ASPHD2: variants seen among roughly 807,000 people sequenced by gnomAD.
ASPHD2 encodes aspartate beta-hydroxylase domain containing 2, also known as aspartate beta-hydroxylase domain-containing protein 2.
In ASPHD2, 12 loss-of-function variants were observed where a neutral mutation model predicts 34.6. That is an observed-to-expected ratio of 0.35 (90% CI 0.22 to 0.56). The LOEUF is 0.56. Among genes scored for constraint, ASPHD2 ranks in the 20% least tolerant of loss-of-function variants. The pLI is 0.87. For missense variants in ASPHD2, 375 were observed against 505.0 expected, an observed-to-expected ratio of 0.74 and a Z score of 2.47; for synonymous variants, 224 against 212.2, an observed-to-expected ratio of 1.06 and a Z score of -0.48.
intron 2 of ASPHD2, among the ~76,000 whole-genome samples, chr22:26,436,641 T>G (rs1316411063): frequency 6.6e-6 from 1 of 152,144 alleles, no homozygotes; most frequent in Non-Finnish European, 1.5e-5. Context: ...CCGTGGGCAA[T>G]GGGGAGTGAT....
rs1404050037 is a variant in ASPHD2, at chr22:26,443,559, T to G, written c.*353T>G. 3 of 168,438 alleles carry G rather than the reference T, an allele frequency of 1.8e-5. No individual in the cohort carries two copies. Among genetic ancestry groups the G allele is most frequent in the African/African-American group, 7.3e-5 (3 of 41,198 alleles). 10.4% of individuals were successfully genotyped at this position (168,438 alleles called of 1,614,324 possible). On this transcript the variant is annotated 3_prime_UTR_variant, in exon 4 of 4. Coordinates refer to ENST00000215906, the MANE Select transcript of ASPHD2 (RefSeq NM_020437.5). ...ACTTGTTTTTTTCAGTGCTCTGAAA[T>G]AGAGTAACTAAATGGTTATTTGTCT...
intron 2 of ASPHD2, 133 bp downstream of exon 2, chr22:26,434,634 A>G: frequency 1.0e-6 from 1 of 965,312 alleles, no homozygotes; most frequent in South Asian, 1.8e-5. Context: ...AAAACTGATG[A>G]ATTGCATGTA....
Position 26,433,767 on chromosome 22 carries a change from A to T in ASPHD2, c.152A>T (p.Gln51Leu), listed in dbSNP as rs767850479. The change falls in exon 2 of 4, where the codon CAG becomes CTG. Residue 51 changes from glutamine (Q) to leucine (L), a missense_variant. Coordinates refer to ENST00000215906, the MANE Select transcript of ASPHD2 (RefSeq NM_020437.5). The surrounding 1 kb of genome is among the most constrained non-coding windows in gnomAD (Gnocchi z 5.1). Reference sequence around the variant, plus strand: ...AGGGACTGCATCGCCACCGGCATCCAGTCCGTGCGGGACTGCGACACCACC... The same window carrying T: ...AGGGACTGCATCGCCACCGGCATCCTGTCCGTGCGGGACTGCGACACCACC... ...GLRDCIATGI[Q>L]SVRDCDTTAV... 6.2e-7 allele frequency: 1 copy of T among 1,613,894 alleles called. No individual in the cohort carries two copies.
Position 26,444,470 on chromosome 22 carries a change from G to T in ASPHD2, c.*1264G>T, listed in dbSNP as rs771726247. On this transcript the variant is annotated 3_prime_UTR_variant, in exon 4 of 4. Transcript: ENST00000215906. ...TGTGGATCTCTTCCCGAAGGAAAAG[G>T]TCCCAGGAGACCAGTTTGAGGCACT... 1 of 152,172 alleles carries T rather than the reference G, an allele frequency of 6.6e-6. No individual in the cohort carries two copies. Among genetic ancestry groups the T allele is most frequent in the Admixed American group, 6.5e-5 (1 of 15,284 alleles). 9.4% of individuals were successfully genotyped at this position (152,172 alleles called of 1,614,324 possible). A position where few individuals can be genotyped will look rare whatever the true frequency, so the allele number is the denominator to read the frequency against.
chr22:26,438,586 C>CATATATACACACATATATACAT (rs1555883319), intron 2 of ASPHD2, among the ~76,000 whole-genome samples: 9 of 127,040 alleles, frequency 7.1e-5, no homozygotes, highest in Non-Finnish European at 1.2e-4. Flanking sequence ...TATATACATA[C>CATATATACACACATATATACAT]ATATATATAC....
rs900341210 is a variant in ASPHD2 at position 26,443,169 on chromosome 22, G to T, written c.1073G>T (p.Arg358Leu). Residue 358 changes from arginine to leucine, a missense_variant, in exon 4 of 4, where the codon CGG becomes CTG. Arg to Leu is a moderately radical substitution (Grantham distance 102, BLOSUM62 -2). Coordinates refer to ENST00000215906, the MANE Select transcript of ASPHD2 (RefSeq NM_020437.5). ...CATCCAAACGTCGCAGCGGCCGAAC[G>T]GCAGGCTCTTGATTTCATCTTTGCT... Reference protein sequence around the residue: ...LWHPNVAAAERQALDFIFAPG... With the variant: ...LWHPNVAAAELQALDFIFAPG... 6.2e-7 allele frequency: 1 copy of T among 1,613,980 alleles called. No homozygotes were observed. Among genetic ancestry groups the T allele is most frequent in the African/African-American group, 1.3e-5 (1 of 74,882 alleles).
intron 2 of ASPHD2, among the ~76,000 whole-genome samples, chr22:26,434,809 T>C (rs1308816815): frequency 6.6e-6 from 1 of 152,244 alleles, no homozygotes; most frequent in East Asian, 1.9e-4. Context: ...AATTGAGTGC[T>C]TGAAACTTGT....
intron 2 of ASPHD2, among the ~76,000 whole-genome samples, chr22:26,441,080 T>A (rs1387383637): frequency 6.6e-6 from 1 of 152,228 alleles, no homozygotes; most frequent in Non-Finnish European, 1.5e-5. Flanking sequence ...GAACTCACAG[T>A]TCTGAGGCTG....
Position 26,433,645 on chromosome 22 carries a change from G to A in ASPHD2, c.30G>A (p.Arg10=), listed in dbSNP as rs949007442. 9.3e-6 allele frequency: 15 copies of A among 1,613,972 alleles called. No homozygotes were observed. The highest frequency in any genetic ancestry group is 4.0e-5 in the African/African-American group (3 of 74,904). Reference sequence around the variant, plus strand: ...TGTGGGCGCCCTTGGGACCCCCGAGGACTGATTGTCTGACCTTGCTTCACA... The same window carrying A: ...TGTGGGCGCCCTTGGGACCCCCGAGAACTGATTGTCTGACCTTGCTTCACA... The part of the protein sequence containing the change: MVWAPLGPP[R]TDCLTLLHTP... Residue 10 remains arginine, a synonymous_variant, in exon 2 of 4, where the codon AGG becomes AGA. Coordinates refer to ENST00000215906, the MANE Select transcript of ASPHD2 (RefSeq NM_020437.5). The surrounding 1 kb of genome is among the most constrained non-coding windows in gnomAD (Gnocchi z 5.1).
In ASPHD2 at chr22:26,433,755, C is replaced by T. The variant is rs146952882; in HGVS notation, c.140C>T (p.Ala47Val). 1.9e-6 allele frequency: 3 copies of T among 1,613,652 alleles called. No individual in the cohort carries two copies. Among genetic ancestry groups the T allele is most frequent in the African/African-American group, 2.7e-5 (2 of 74,950 alleles). Reference protein sequence around the residue: ...WSLDGLRDCIATGIQSVRDCD... With the variant: ...WSLDGLRDCIVTGIQSVRDCD... ...CTGGATGGCCTGAGGGACTGCATCGCCACCGGCATCCAGTCCGTGCGGGAC... is the reference window on the plus strand; with the variant it reads ...CTGGATGGCCTGAGGGACTGCATCGTCACCGGCATCCAGTCCGTGCGGGAC... Residue 47 changes from alanine to valine, a missense_variant, in exon 2 of 4, where the codon GCC becomes GTC. Ala to Val is a moderately conservative substitution (Grantham distance 64). Transcript: ENST00000215906. The surrounding 1 kb of genome is among the most constrained non-coding windows in gnomAD (Gnocchi z 5.1).
At chr22:26,438,636 T>TACATATATATACACACATATATAC (rs1568984119) in intron 2 of ASPHD2, among the ~76,000 whole-genome samples, 14 of 49,362 alleles carry the variant, frequency 2.8e-4, no homozygotes, top group South Asian at 1.1e-3. Context: ...TATATATACA[T>TACATATATATACACACATATATAC]ATATATATAC....
intron 2 of ASPHD2, among the ~76,000 whole-genome samples, chr22:26,438,510 T>TACATATATACATACATATATAC (rs1568983907): frequency 1.5e-4 from 14 of 96,140 alleles, no homozygotes; most frequent in South Asian, 3.8e-4. Context: ...TACATATATA[T>TACATATATACATACATATATAC]ACATACATAT....
At chr22:26,442,054 C>G (rs942682601) in intron 2 of ASPHD2, among the ~76,000 whole-genome samples, 1 of 142,172 alleles carries the variant, frequency 7.0e-6, no homozygotes, top group Non-Finnish European at 1.5e-5. Context: ...TGCGGTGAGC[C>G]GAGATCACAC....
chr22:26,434,140 C>T lies in ASPHD2; in HGVS notation c.525C>T (p.Thr175=), dbSNP rs1223893461. ...PEVFFLPDLP[T]TPYFSRDAQK... The stretch of plus-strand genomic sequence containing the variant: ...TCTTCTTCCTGCCCGACCTGCCCAC[C>T]ACGCCCTATTTCTCCCGGGACGCAC... The change falls in exon 2 of 4, where the codon ACC becomes ACT. Residue 175 remains threonine, a synonymous_variant. Transcript: ENST00000215906. The T allele has an allele frequency of 2.5e-6, 4 of 1,612,224 alleles. No individual in the cohort carries two copies. The highest frequency in any genetic ancestry group is 3.4e-6 in the Non-Finnish European group (4 of 1,179,178).
chr22:26,436,099 C>A (rs2084790716), intron 2 of ASPHD2, among the ~76,000 whole-genome samples: 1 of 152,180 alleles, frequency 6.6e-6, no homozygotes, highest in East Asian at 1.9e-4. Flanking sequence ...AAGACATAGA[C>A]CCTGCCCCCA....
intron 1 of ASPHD2, among the ~76,000 whole-genome samples, chr22:26,430,551 C>T (rs958161813): frequency 6.6e-6 from 1 of 152,212 alleles, no homozygotes; most frequent in Non-Finnish European, 1.5e-5. Flanking sequence ...GGGCAAGGAG[C>T]TGTCGGGGGA....
rs919308812 is a variant in ASPHD2, at chr22:26,433,623, G to A, written c.8G>A (p.Trp3Ter). ...CCCCCCACGCTAATCTGCATGGTGTGGGCGCCCTTGGGACCCCCGAGGACT... is the reference window on the plus strand; with the variant it reads ...CCCCCCACGCTAATCTGCATGGTGTAGGCGCCCTTGGGACCCCCGAGGACT... MV[W>*]APLGPPRTDC... The change falls in exon 2 of 4, where the codon TGG (tryptophan) becomes TAG (stop). Residue 3 changes from tryptophan to a stop codon, truncating the protein, a stop_gained. Transcript: ENST00000215906. LOFTEE classifies it high-confidence loss of function. The surrounding 1 kb of genome is among the most constrained non-coding windows in gnomAD (Gnocchi z 5.1). The A allele has an allele frequency of 1.9e-6, 3 of 1,613,216 alleles. No homozygotes were observed. The highest frequency in any genetic ancestry group is 2.7e-5 in the African/African-American group (2 of 74,860).
rs763491039 is a variant in ASPHD2, at chr22:26,442,484, G to C, written c.912G>C (p.Glu304Asp). The change falls in exon 3 of 4, where the codon GAG becomes GAC. Residue 304 changes from glutamate (E) to aspartate (D), a missense_variant. Physicochemically the swap from Glu to Asp is conservative, Grantham distance 45. Around this residue, in one of 3 missense-constraint regions of ASPHD2, gnomAD observed 142 missense variants for 217.9 expected, o/e 0.65. Transcript: ENST00000215906. ...HLGLKTPNGC[E>D]LVVGGEPQCW... The stretch of plus-strand genomic sequence containing the variant: ...GTCTGAAAACTCCAAATGGCTGTGA[G>C]CTGGTGGTGGGGGGAGAGCCCCAGT... 2.5e-6 allele frequency: 4 copies of C among 1,606,562 alleles called. No homozygotes were observed. The highest frequency in any genetic ancestry group is 2.5e-6 in the Non-Finnish European group (3 of 1,177,476).
At position 26,434,572 on chromosome 22, in the gene ASPHD2, C is replaced by T. The variant is rs760756136; in HGVS notation, c.886+71C>T. 84 of 1,480,720 alleles carry T rather than the reference C, an allele frequency of 5.7e-5. 1 individual carries two copies. Among genetic ancestry groups the T allele is most frequent in the South Asian group, 5.0e-4 (36 of 72,022 alleles). 91.7% of individuals were successfully genotyped at this position (1,480,720 alleles called of 1,614,324 possible). A position where few individuals can be genotyped will look rare whatever the true frequency, so the allele number is the denominator to read the frequency against. ...TCAGCCCCTCTCCATCAAAACATCG[C>T]GAAAGCTCAAATGGTCAGAATTGCG... On this transcript the variant is annotated intron_variant, in intron 2 of 3. Coordinates refer to ENST00000215906, the MANE Select transcript of ASPHD2 (RefSeq NM_020437.5).
Sources: gnomAD v4.1 joint callset for allele counts (sites outside exome capture counted in the v4.1 genomes callset) on GRCh38, gnomAD v4.1.1 for gene constraint, gnomAD v4.1.1 regional missense constraint, Gnocchi (gnomAD v3.1) non-coding constraint, MANE v1.5 for transcripts, NCBI Gene and HGNC (gene_info 2026-07-23, HGNC 2026-07-21) for gene names.